The following GRIN1 variants were observed in gnomAD, a reference collection of about 807,000 sequenced individuals.
The protein encoded by GRIN1 is glutamate ionotropic receptor NMDA type subunit 1.
In GRIN1, 38 loss-of-function variants were observed where a neutral mutation model predicts 103.0. That is an observed-to-expected ratio of 0.37 (90% confidence interval 0.28 to 0.48). GRIN1 has a LOEUF of 0.48. GRIN1 is among the 20% of genes least tolerant of loss of function. GRIN1 has a pLI of 0.98. For missense variants in GRIN1, 577 were observed against 1,288.9 expected, an observed-to-expected ratio of 0.45 and a Z score of 8.46; for synonymous variants, 544 against 532.7, an observed-to-expected ratio of 1.02 and a Z score of -0.29.
chr9:137,150,297 G>C (rs1169200215), intron 4 of GRIN1, among the ~76,000 whole-genome samples: 1 of 152,130 alleles, frequency 6.6e-6, no homozygotes, highest in African/African-American at 2.4e-5. Context: ...CCCAAAGAAG[G>C]AATGCCCCGC....
Position 137,146,583 on chromosome 9 carries a change from G to C in GRIN1, c.570+681G>C, listed in dbSNP as rs1832545159. Among the ~76,000 whole-genome samples the C allele has an allele frequency of 6.6e-6, 1 of 152,174 alleles. No individual in the cohort carries two copies. The highest frequency in any genetic ancestry group is 2.1e-4 in the South Asian group (1 of 4,834). On this transcript the variant is annotated intron_variant, in intron 3 of 19. Transcript: ENST00000371561. The surrounding 1 kb of genome is among the most constrained non-coding windows in gnomAD (Gnocchi z 6.7). Reference sequence around the variant, plus strand: ...CAGGCGTCCACTCTGTGGGGCTGCAGAGAGATCAGAGCTGGGATTTGGGGG... The same window carrying C: ...CAGGCGTCCACTCTGTGGGGCTGCACAGAGATCAGAGCTGGGATTTGGGGG...
At chr9:137,166,969 T>TG (rs1343588535) in intron 19 of GRIN1, among the ~76,000 whole-genome samples, 1 of 152,172 alleles carries the variant, frequency 6.6e-6, no homozygotes, top group East Asian at 1.9e-4. Context: ...AGGGTGACAC[T>TG]GGGTCCCAGG....
intron 2 of GRIN1, among the ~76,000 whole-genome samples, chr9:137,144,470 C>T (rs377682249): frequency 0.047 from 7,092 of 151,610 alleles, 219 homozygotes; most frequent in Middle Eastern, 0.088. Flanking sequence ...CTGGCTAATA[C>T]GGTGAAACCC....
chr9:137,161,536 C>A (rs371830334), intron 10 of GRIN1, 120 bp downstream of exon 10: 6 of 834,238 alleles, frequency 7.2e-6, no homozygotes, highest in East Asian at 3.6e-5. Context: ...GTGAGTGGGG[C>A]ATGGAGTGAG....
In GRIN1 at chr9:137,161,436, T is replaced by C. The variant is rs1409047061; in HGVS notation, c.1467+20T>C. The C allele has an allele frequency of 6.8e-7, 1 of 1,460,572 alleles. No individual in the cohort carries two copies. The allele number at this position is 1,460,572 out of a possible 1,614,324, so 90.5% of individuals were successfully genotyped here. A position where few individuals can be genotyped will look rare whatever the true frequency, so the allele number is the denominator to read the frequency against. ...GAGCGGGTAGGCTGGACGGCGGGGG[T>C]GGGGACCAGCGTGAGAGGGGCCTGC... On this transcript the variant is annotated intron_variant, in intron 10 of 19. Coordinates refer to ENST00000371561, the MANE Select transcript of GRIN1 (RefSeq NM_007327.4).
rs1284901632 is a variant in GRIN1, at chr9:137,139,493, A to G, written c.7A>G (p.Thr3Ala). MS[T>A]MRLLTLALLF... Reference sequence around the variant, plus strand: ...AGGCCCGCGGCCCGAGCCCATGAGCACCATGCGCCTGCTGACGCTCGCCCT... The same window carrying G: ...AGGCCCGCGGCCCGAGCCCATGAGCGCCATGCGCCTGCTGACGCTCGCCCT... Residue 3 changes from threonine to alanine, a missense_variant, in exon 1 of 20, where the codon ACC (threonine) becomes GCC (alanine). By Grantham distance (58) the Thr-to-Ala change is moderately conservative (BLOSUM62 0). Transcript: ENST00000371561. The surrounding 1 kb of genome is among the most constrained non-coding windows in gnomAD (Gnocchi z 7.7). 1.9e-6 allele frequency: 3 copies of G among 1,591,490 alleles called. No individual in the cohort carries two copies. The highest frequency in any genetic ancestry group is 1.7e-6 in the Non-Finnish European group (2 of 1,169,150).
Position 137,161,971 on chromosome 9 carries a change from G to T in GRIN1, c.1515G>T (p.Leu505=). The change falls in exon 11 of 20, where the codon CTG becomes CTT. Residue 505 remains leucine, a synonymous_variant. Coordinates refer to ENST00000371561, the MANE Select transcript of GRIN1 (RefSeq NM_007327.4). Reference sequence around the variant, plus strand: ...AGTGGAATGGGATGATGGGCGAGCTGCTCAGCGGGCAGGCAGACATGATCG... The same window carrying T: ...AGTGGAATGGGATGATGGGCGAGCTTCTCAGCGGGCAGGCAGACATGATCG... The part of the protein sequence containing the change: ...KKEWNGMMGE[L]LSGQADMIVA... 1 of 1,565,352 alleles carries T rather than the reference G, an allele frequency of 6.4e-7. No homozygotes were observed. The highest frequency in any genetic ancestry group is 8.7e-7 in the Non-Finnish European group (1 of 1,155,238).
intron 2 of GRIN1, among the ~76,000 whole-genome samples, chr9:137,142,833 C>T (rs1449296740): frequency 1.3e-5 from 2 of 152,196 alleles, no homozygotes; most frequent in African/African-American, 4.8e-5. Flanking sequence ...TGGGGGCTTC[C>T]AGCCTCTAGG....
intron 4 of GRIN1, among the ~76,000 whole-genome samples, chr9:137,155,228 G>A (rs1225368551): frequency 1.3e-5 from 2 of 152,176 alleles, no homozygotes; most frequent in Non-Finnish European, 2.9e-5. Flanking sequence ...TCAAGAAGAC[G>A]GGCTTGTCTG....
intron 1 of GRIN1, among the ~76,000 whole-genome samples, chr9:137,141,321 G>A (rs538128069): frequency 6.6e-6 from 1 of 152,262 alleles, no homozygotes; most frequent in South Asian, 2.1e-4. Flanking sequence ...TGGGGAGAGA[G>A]GGAGGCATCA....
intron 8 of GRIN1, among the ~76,000 whole-genome samples, chr9:137,160,547 A>G (rs1833476111): frequency 6.6e-6 from 1 of 152,112 alleles, no homozygotes; most frequent in East Asian, 1.9e-4. Context: ...CTCCTGCCTC[A>G]GCCTCCTGAG....
In GRIN1 at chr9:137,161,217, C is replaced by CGCGGGGCGCGGG; in HGVS notation, c.1339+23_1339+34dup. The CGCGGGGCGCGGG allele has an allele frequency of 6.2e-7, 1 of 1,602,458 alleles. No individual in the cohort carries two copies. Among genetic ancestry groups the CGCGGGGCGCGGG allele is most frequent in the Non-Finnish European group, 8.5e-7 (1 of 1,174,632 alleles). On this transcript the variant is annotated intron_variant, in intron 9 of 19. Coordinates refer to ENST00000371561, the MANE Select transcript of GRIN1 (RefSeq NM_007327.4). ...GCAGCCGTGAGTGCGCGGGGCAGGG[C>CGCGGGGCGCGGG]GCGGGGCGCGGGGCAGGGCGCGGGG...
At position 137,151,904 on chromosome 9, in the gene GRIN1, T is replaced by A. The variant is rs1253019274; in HGVS notation, c.671+2795T>A. 2.4e-4 allele frequency among the ~76,000 whole-genome samples: 33 copies of A among 138,540 alleles called. No individual in the cohort carries two copies. In the East Asian group the frequency reaches 5.5e-3, roughly 23 times the overall value. 90.9% of individuals were successfully genotyped at this position (138,540 alleles called of 152,430 possible). A position where few individuals can be genotyped will look rare whatever the true frequency, so the allele number is the denominator to read the frequency against. ...TGGTCTCGAACTTGTGGCCTCTTTT[T>A]TTTTTTTTTTTTTTTTCTTTGAGAT... is the stretch of plus-strand genomic sequence containing the variant. On this transcript the variant is annotated intron_variant, in intron 4 of 19. Coordinates refer to ENST00000371561, the MANE Select transcript of GRIN1 (RefSeq NM_007327.4).
In GRIN1 at chr9:137,161,121, G is replaced by A. The variant is rs199588413; in HGVS notation, c.1263G>A (p.Lys421=). 18 of 1,612,806 alleles carry A rather than the reference G, an allele frequency of 1.1e-5. No individual in the cohort carries two copies. Among genetic ancestry groups the A allele is most frequent in the Admixed American group, 1.0e-4 (6 of 60,006 alleles). The part of the protein sequence containing the change: ...VKPTLSDGTC[K]EEFTVNGDPV... ...CCACGCTGAGTGATGGGACATGCAA[G>A]GAGGAGTTCACAGTCAACGGCGACC... The change falls in exon 9 of 20, where the codon AAG becomes AAA. Residue 421 remains lysine (K), a synonymous_variant. Coordinates refer to ENST00000371561, the MANE Select transcript of GRIN1 (RefSeq NM_007327.4).
Position 137,156,993 on chromosome 9 carries a change from C to T in GRIN1, c.924C>T (p.Cys308=), listed in dbSNP as rs1294358544. 1.2e-6 allele frequency: 2 copies of T among 1,609,784 alleles called. No individual in the cohort carries two copies. The highest frequency in any genetic ancestry group is 1.7e-6 in the Non-Finnish European group (2 of 1,178,456). Residue 308 remains cysteine, a synonymous_variant, in exon 6 of 20, where the codon TGC becomes TGT. Transcript: ENST00000371561. ...ACATCACCGACCCGCCGCGGGGCTG[C>T]GTGGGCAACACCAACATCTGGAAGA... is the stretch of plus-strand genomic sequence containing the variant. ...KENITDPPRG[C]VGNTNIWKTG... is the part of the protein sequence containing the mutation.
At chr9:137,149,646 T>C (rs1286949066) in intron 4 of GRIN1, among the ~76,000 whole-genome samples, 1 of 152,148 alleles carries the variant, frequency 6.6e-6, no homozygotes, top group African/African-American at 2.4e-5. Flanking sequence ...AACCTTGGGG[T>C]GGAGCCCACT....
rs1341379246 is a variant in GRIN1 at position 137,168,423 on chromosome 9, C to T, written c.*896C>T. 5.2e-6 allele frequency: 1 copy of T among 192,636 alleles called. No individual in the cohort carries two copies. The highest frequency in any genetic ancestry group is 2.4e-5 in the African/African-American group (1 of 42,166). The allele number at this position is 192,636 out of a possible 1,614,324, so 11.9% of individuals were successfully genotyped here. A position where few individuals can be genotyped will look rare whatever the true frequency, so the allele number is the denominator to read the frequency against. Reference sequence around the variant, plus strand: ...CGCCTCGGGCCGCCTCCTCCAGACTCGAGAGGGCTGAGCCCCTCCTCTCCT... The same window carrying T: ...CGCCTCGGGCCGCCTCCTCCAGACTTGAGAGGGCTGAGCCCCTCCTCTCCT... On this transcript the variant is annotated 3_prime_UTR_variant, in exon 20 of 20. Coordinates refer to ENST00000371561, the MANE Select transcript of GRIN1 (RefSeq NM_007327.4).
chr9:137,161,437 G>A (rs1833535282), intron 10 of GRIN1, 21 bp downstream of exon 10: 2 of 1,605,450 alleles, frequency 1.2e-6, no homozygotes, highest in Non-Finnish European at 1.7e-6. Flanking sequence ...CGGCGGGGGT[G>A]GGGACCAGCG....
At chr9:137,145,693 C>T in intron 2 of GRIN1, 33 bp from the exon 3 acceptor site, 4 of 1,595,546 alleles carry the variant, frequency 2.5e-6, no homozygotes, top group Non-Finnish European at 2.6e-6. Context: ...CCCGCGGGTC[C>T]ACCTCAGCCC....
Sources: gnomAD v4.1 joint callset for allele counts (sites outside exome capture counted in the v4.1 genomes callset) on GRCh38, gnomAD v4.1.1 for gene constraint, Gnocchi (gnomAD v3.1) non-coding constraint, MANE v1.5 for transcripts, NCBI Gene and HGNC (gene_info 2026-07-23, HGNC 2026-07-21) for gene names.